KCNIP4: variants seen among roughly 807,000 people sequenced by gnomAD.
KCNIP4 encodes the protein potassium voltage-gated channel interacting protein 4.
Under a neutral mutation model 34.0 loss-of-function variants are expected in KCNIP4, and 12 were observed. The ratio of observed to expected loss-of-function variants is 0.35; its 90% CI spans 0.23 to 0.57. KCNIP4 has a LOEUF of 0.57. Ranked by LOEUF, KCNIP4 falls within the 20% of genes least tolerant of loss-of-function variation. The pLI is 0.83. For synonymous variants in KCNIP4, 124 were observed against 102.2 expected (o/e 1.21, Z -1.29); for missense variants, 238 against 311.7 (o/e 0.76, Z 1.78).
At chr4:21,051,088 G>A (rs1742888675) in intron 1 of KCNIP4, among the ~76,000 whole-genome samples, 1 of 152,172 alleles carries the variant, frequency 6.6e-6, no homozygotes, top group Non-Finnish European at 1.5e-5. Context: ...TTCTCTGCCA[G>A]CCTGGAAGTT....
At chr4:21,136,470 G>A (rs6448022) in intron 1 of KCNIP4, among the ~76,000 whole-genome samples, 82,557 of 151,646 alleles carry the variant, frequency 0.54, 23,341 homozygotes, top group African/African-American at 0.7. Flanking sequence ...AATAGGCATT[G>A]GGTTTTCACT....
chr4:21,262,150 A>T (rs1761511689), intron 1 of KCNIP4, among the ~76,000 whole-genome samples: 1 of 151,682 alleles, frequency 6.6e-6, no homozygotes, highest in East Asian at 1.9e-4. Flanking sequence ...CTTTTTATTT[A>T]TTTTTTTTGA....
chr4:21,524,721 T>A (rs1298801615), intron 1 of KCNIP4, among the ~76,000 whole-genome samples: 1 of 152,194 alleles, frequency 6.6e-6, no homozygotes, highest in Non-Finnish European at 1.5e-5. Flanking sequence ...TTTGAAATAT[T>A]TTCTGTCTAT....
At position 21,609,148 on chromosome 4, in the gene KCNIP4, A is replaced by G. The variant is rs2109140986; in HGVS notation, c.61+339423T>C. ...GAAGTATGCAGGAAGTTTAATAGGAAGAACAGGAATGGATAGGAGAAATCA... is the reference window on the plus strand; with the variant it reads ...GAAGTATGCAGGAAGTTTAATAGGAGGAACAGGAATGGATAGGAGAAATCA... On this transcript the variant is annotated intron_variant, in intron 1 of 8. Transcript: ENST00000382152. Among the ~76,000 whole-genome samples the G allele has an allele frequency of 1.3e-5, 2 of 152,360 alleles. 1 individual carries two copies. Among genetic ancestry groups the G allele is most frequent in the South Asian group, 4.1e-4 (2 of 4,830 alleles).
Position 21,195,772 on chromosome 4 carries a change from C to G in KCNIP4, c.62-313063G>C, listed in dbSNP as rs181503597. 4.3e-3 allele frequency among the ~76,000 whole-genome samples: 659 copies of G among 152,290 alleles called. 2 individuals are homozygous for G. Among genetic ancestry groups the G allele is most frequent in the Non-Finnish European group, 6.7e-3 (459 of 68,018 alleles). ...CTTCACTTTGATTCCAACTAGAACG[C>G]CTGGTTGCAATGGCTCATTAAGAAT... On this transcript the variant is annotated intron_variant, in intron 1 of 8. Coordinates refer to ENST00000382152, the MANE Select transcript of KCNIP4 (RefSeq NM_025221.6).
At chr4:20,954,579 G>C (rs938636137) in intron 1 of KCNIP4, among the ~76,000 whole-genome samples, 1 of 152,112 alleles carries the variant, frequency 6.6e-6, no homozygotes, top group East Asian at 1.9e-4. Flanking sequence ...AGTGCCACAA[G>C]ACATTACAAA....
At chr4:21,145,974 A>C (rs368055931) in intron 1 of KCNIP4, among the ~76,000 whole-genome samples, 17 of 152,202 alleles carry the variant, frequency 1.1e-4, no homozygotes, top group African/African-American at 3.9e-4. Context: ...AGACTGTTTA[A>C]TTCCGTGTAT....
At chr4:21,633,915 G>A (rs564444879) in intron 1 of KCNIP4, among the ~76,000 whole-genome samples, 14 of 151,896 alleles carry the variant, frequency 9.2e-5, no homozygotes, top group African/African-American at 2.9e-4. Flanking sequence ...TTAATATTTC[G>A]GTTATTAGAA....
chr4:21,190,090 T>C (rs1035476545), intron 1 of KCNIP4, among the ~76,000 whole-genome samples: 29 of 152,198 alleles, frequency 1.9e-4, no homozygotes, highest in African/African-American at 6.8e-4. Context: ...TTGATGGCCG[T>C]GGCCATTTCC....
chr4:21,102,415 G>A (rs1408349167), intron 1 of KCNIP4, among the ~76,000 whole-genome samples: 4 of 152,146 alleles, frequency 2.6e-5, no homozygotes, highest in Non-Finnish European at 2.9e-5. Context: ...TGGAAGAAAA[G>A]CAGATTTGGG....
intron 1 of KCNIP4, among the ~76,000 whole-genome samples, chr4:21,257,244 T>C (rs544057539): frequency 6.6e-6 from 1 of 152,272 alleles, no homozygotes; most frequent in Admixed American, 6.5e-5. Context: ...ATTTGAGACG[T>C]CTCTTGAGAG....
At chr4:21,146,180 C>T (rs7668642) in intron 1 of KCNIP4, among the ~76,000 whole-genome samples, 22,620 of 152,084 alleles carry the variant, frequency 0.15, 1,754 homozygotes, top group Middle Eastern at 0.22. Flanking sequence ...GGGAGGATCA[C>T]GAGGTCACGA....
intron 1 of KCNIP4, among the ~76,000 whole-genome samples, chr4:20,929,950 G>A (rs187377555): frequency 2.6e-5 from 4 of 151,882 alleles, no homozygotes; most frequent in East Asian, 3.9e-4. Flanking sequence ...ATTAACCAAA[G>A]CAATATACAA....
intron 1 of KCNIP4, among the ~76,000 whole-genome samples, chr4:21,799,549 T>C (rs1720861428): frequency 1.3e-5 from 2 of 152,172 alleles, no homozygotes; most frequent in South Asian, 4.1e-4. Flanking sequence ...CACTAAAATA[T>C]TAATATATAT....
In KCNIP4 at chr4:21,689,582, A is replaced by G. The variant is rs180935298; in HGVS notation, c.61+258989T>C. 2.1e-3 allele frequency among the ~76,000 whole-genome samples: 324 copies of G among 152,316 alleles called. 2 individuals carry two copies. Among genetic ancestry groups the G allele is most frequent in the African/African-American group, 7.4e-3 (306 of 41,568 alleles). ...CTCTCCTGGAACACATTTTCAGAAT[A>G]TAAACTTTTTCAGTTATGATGTAAT... On this transcript the variant is annotated intron_variant, in intron 1 of 8. Transcript: ENST00000382152.
chr4:21,589,981 A>G (rs1214923585), intron 1 of KCNIP4, among the ~76,000 whole-genome samples: 2 of 152,082 alleles, frequency 1.3e-5, no homozygotes, highest in Non-Finnish European at 2.9e-5. Context: ...AATTAAAAAT[A>G]AAATTTGGAA....
At chr4:21,604,761 G>A (rs1479519387) in intron 1 of KCNIP4, among the ~76,000 whole-genome samples, 1 of 151,844 alleles carries the variant, frequency 6.6e-6, no homozygotes, top group Admixed American at 6.6e-5. Flanking sequence ...TCCTTTTTTT[G>A]GTACACTAAA....
At chr4:21,705,863 G>T (rs764989153) in intron 1 of KCNIP4, among the ~76,000 whole-genome samples, 2 of 152,112 alleles carry the variant, frequency 1.3e-5, no homozygotes, top group African/African-American at 2.4e-5. Flanking sequence ...GCCCTCTGTA[G>T]AAGGTTCATT....
At chr4:21,757,287 G>T (rs568268480) in intron 1 of KCNIP4, among the ~76,000 whole-genome samples, 1 of 83,588 alleles carries the variant, frequency 1.2e-5, no homozygotes, top group Admixed American at 1.1e-4. Flanking sequence ...GAAAAGAAAA[G>T]AGAAAAGAAA....
Sources: gnomAD v4.1 joint callset for allele counts (sites outside exome capture counted in the v4.1 genomes callset) on GRCh38, gnomAD v4.1.1 for gene constraint, MANE v1.5 for transcripts, NCBI Gene and HGNC (gene_info 2026-07-23, HGNC 2026-07-21) for gene names.